TMEM38B: variants seen among roughly 807,000 people sequenced by gnomAD.
TMEM38B encodes transmembrane protein 38B.
A neutral mutation model predicts 28.7 loss-of-function variants in TMEM38B; 24 were observed. The observed-to-expected ratio is 0.84, with a 90% CI of 0.61 to 1.18. The LOEUF (loss-of-function observed/expected upper bound fraction) is 1.18, where lower values mean the gene tolerates loss of function less well. TMEM38B is among the 50% of genes most tolerant of loss of function. TMEM38B has a pLI of 0.00. For synonymous variants in TMEM38B, 131 were observed against 127.7 expected (o/e 1.03, Z -0.17); for missense variants, 380 against 350.9 (o/e 1.08, Z -0.66).
intron 4 of TMEM38B, among the ~76,000 whole-genome samples, chr9:105,727,778 G>A (rs769001421): frequency 1.3e-5 from 2 of 152,088 alleles, no homozygotes; most frequent in Non-Finnish European, 2.9e-5. Context: ...ACTGGTGGGA[G>A]GTGATTGGAT....
Position 105,729,295 on chromosome 9 carries a change from A to G in TMEM38B, c.542+6674A>G, listed in dbSNP as rs139837186. ...AAGGGATCCGGTTTCAGCTTTCTAC[A>G]TATGGCTAGTCAGTTTTCCCAGCAC... On this transcript the variant is annotated intron_variant, in intron 4 of 5. Coordinates refer to ENST00000374692, the MANE Select transcript of TMEM38B (RefSeq NM_018112.3). Among the ~76,000 whole-genome samples the G allele has an allele frequency of 2.2e-3, 331 of 152,350 alleles. 1 individual carries two copies. The highest frequency in any genetic ancestry group is 3.1e-3 in the Non-Finnish European group (209 of 68,028).
intron 2 of TMEM38B, among the ~76,000 whole-genome samples, chr9:105,706,234 C>G (rs558641489): frequency 6.6e-6 from 1 of 152,268 alleles, no homozygotes; most frequent in South Asian, 2.1e-4. Flanking sequence ...ATATCTCTTT[C>G]TTTTTTATTT....
intron 4 of TMEM38B, among the ~76,000 whole-genome samples, chr9:105,731,510 A>G (rs1009098425): frequency 4.6e-5 from 7 of 151,782 alleles, no homozygotes; most frequent in Admixed American, 3.9e-4. Flanking sequence ...CCTGTGTCCA[A>G]GTGTTCTCAT....
chr9:105,709,673 T>C (rs990344089), intron 2 of TMEM38B, among the ~76,000 whole-genome samples: 2 of 152,194 alleles, frequency 1.3e-5, no homozygotes, highest in Non-Finnish European at 2.9e-5. Flanking sequence ...CTTAGCTGGA[T>C]GTCGAATATA....
intron 4 of TMEM38B, among the ~76,000 whole-genome samples, chr9:105,730,711 G>T (rs1426106983): frequency 6.6e-6 from 1 of 152,018 alleles, no homozygotes; most frequent in Non-Finnish European, 1.5e-5. Context: ...TTTTTTGGTT[G>T]GTAAGCTATT....
At chr9:105,705,504 T>G (rs2133552720) in intron 1 of TMEM38B, 93 bp from the exon 2 acceptor site, 1 of 1,220,688 alleles carries the variant, frequency 8.2e-7, no homozygotes, top group East Asian at 2.4e-5. Flanking sequence ...ATTATGAATT[T>G]AAGAAGTTTA....
chr9:105,768,068 TA>T (rs1398613235), intron 5 of TMEM38B, among the ~76,000 whole-genome samples: 1 of 152,136 alleles, frequency 6.6e-6, no homozygotes, highest in Non-Finnish European at 1.5e-5. Flanking sequence ...TTAAGCATCT[TA>T]TAGATATCCT....
At chr9:105,772,749 A>T (rs1413227772) in intron 5 of TMEM38B, among the ~76,000 whole-genome samples, 5 of 152,254 alleles carry the variant, frequency 3.3e-5, no homozygotes, top group African/African-American at 1.2e-4. Context: ...TACTCTCACA[A>T]TGTTGTGTGT....
intron 4 of TMEM38B, among the ~76,000 whole-genome samples, chr9:105,745,196 C>T (rs1837343281): frequency 6.6e-6 from 1 of 152,204 alleles, no homozygotes; most frequent in Non-Finnish European, 1.5e-5. Context: ...AGTTTACAGT[C>T]CCACCAACAG....
At chr9:105,751,543 A>G (rs1252385247) in intron 5 of TMEM38B, among the ~76,000 whole-genome samples, 3 of 152,222 alleles carry the variant, frequency 2.0e-5, no homozygotes, top group South Asian at 4.1e-4. Flanking sequence ...CCATCCGTAC[A>G]TATTCCTAGG....
chr9:105,721,347 CAT>C (rs996390911), intron 2 of TMEM38B, among the ~76,000 whole-genome samples, 188 bp from the exon 3 acceptor site: 4 of 152,134 alleles, frequency 2.6e-5, no homozygotes, highest in East Asian at 1.9e-4. Context: ...TGGCAGATGA[CAT>C]ATGTTTCATG....
chr9:105,760,329 AG>A, intron 5 of TMEM38B: 2 of 775,584 alleles, frequency 2.6e-6, no homozygotes, highest in Non-Finnish European at 2.4e-6. Context: ...CTGGAAGATT[AG>A]TTTCTTTCTT....
intron 5 of TMEM38B, among the ~76,000 whole-genome samples, chr9:105,765,752 A>G (rs976476780): frequency 6.6e-6 from 1 of 152,134 alleles, no homozygotes; most frequent in Admixed American, 6.5e-5. Context: ...TAAAGCTGCT[A>G]TGAATATGTG....
chr9:105,723,700 A>G (rs1470294224), intron 4 of TMEM38B, among the ~76,000 whole-genome samples: 10 of 151,896 alleles, frequency 6.6e-5, no homozygotes, highest in Non-Finnish European at 2.9e-5. Context: ...CCCAGCCAGT[A>G]TTTTTATTTT....
intron 3 of TMEM38B, 117 bp downstream of exon 3, chr9:105,721,838 T>C: frequency 2.5e-6 from 2 of 796,330 alleles, no homozygotes; most frequent in South Asian, 6.3e-5. Context: ...AGAGACTTTT[T>C]GGAAGGTAAA....
At chr9:105,705,513 T>C in intron 1 of TMEM38B, 84 bp from the exon 2 acceptor site, 2 of 1,295,232 alleles carry the variant, frequency 1.5e-6, no homozygotes, top group Non-Finnish European at 2.1e-6. Context: ...TTAAGAAGTT[T>C]ATTTGTTTAG....
intron 3 of TMEM38B, 74 bp downstream of exon 3, chr9:105,721,795 T>G: frequency 7.1e-6 from 8 of 1,133,728 alleles, no homozygotes; most frequent in Non-Finnish European, 9.9e-6. Context: ...AACAATTCTC[T>G]AGTTACATTA....
intron 5 of TMEM38B, chr9:105,758,093 G>T: frequency 1.3e-5 from 5 of 393,934 alleles, no homozygotes; most frequent in Non-Finnish European, 2.3e-5. Context: ...GCTGAGACTC[G>T]CCACTGCCCA....
intron 5 of TMEM38B, among the ~76,000 whole-genome samples, chr9:105,767,295 A>G (rs138568114): frequency 5.2e-4 from 79 of 152,208 alleles, no homozygotes; most frequent in African/African-American, 1.6e-3. Flanking sequence ...ATTCTGTTCT[A>G]TTGATTTATA....
Sources: allele counts gnomAD v4.1 joint callset (sites outside exome capture counted in the v4.1 genomes callset), GRCh38; gene constraint gnomAD v4.1.1; transcripts MANE v1.5; gene names NCBI Gene and HGNC (gene_info 2026-07-23, HGNC 2026-07-21).